The following TAFA1 variants were observed in gnomAD, a reference collection of about 807,000 sequenced individuals.
TAFA1 encodes the protein TAFA chemokine like family member 1.
TAFA1 carries 4 observed loss-of-function variants against 18.5 expected under a neutral mutation model. The observed-to-expected ratio is 0.22, with a 90% CI of 0.11 to 0.49. The LOEUF is 0.49. Among genes scored for constraint, TAFA1 ranks in the 20% least tolerant of loss-of-function variants. TAFA1 has a pLI of 0.98. For synonymous variants in TAFA1, 56 were observed against 55.2 expected (o/e 1.01, Z -0.06); for missense variants, 147 against 169.0 (o/e 0.87, Z 0.72).
intron 2 of TAFA1, among the ~76,000 whole-genome samples, chr3:68,057,641 A>G (rs2064552390): frequency 6.6e-6 from 1 of 152,232 alleles, no homozygotes; most frequent in Admixed American, 6.5e-5. Context: ...TTACACAGCA[A>G]AAGGGACTTT....
chr3:68,037,179 T>C (rs1193091655), intron 2 of TAFA1, among the ~76,000 whole-genome samples: 1 of 151,976 alleles, frequency 6.6e-6, no homozygotes, highest in African/African-American at 2.4e-5. Flanking sequence ...AGAAGGGTGT[T>C]CCAGACAGAA....
intron 2 of TAFA1, among the ~76,000 whole-genome samples, chr3:68,294,888 G>A (rs1033396940): frequency 1.1e-4 from 17 of 152,184 alleles, no homozygotes; most frequent in South Asian, 4.2e-4. Context: ...ATTAAAAAAA[G>A]AAAAAATTTA....
chr3:68,328,244 A>G (rs929914547), intron 2 of TAFA1, among the ~76,000 whole-genome samples: 6 of 152,178 alleles, frequency 3.9e-5, no homozygotes, highest in African/African-American at 7.2e-5. Context: ...TGCTCTCACA[A>G]ATACATTCCC....
intron 2 of TAFA1, among the ~76,000 whole-genome samples, chr3:68,305,741 G>A (rs116140911): frequency 1.0e-3 from 157 of 151,914 alleles, no homozygotes; most frequent in African/African-American, 3.7e-3. Context: ...TATGTAATAG[G>A]AATATTGAGA....
At chr3:68,489,403 T>G (rs2072409736) in intron 3 of TAFA1, among the ~76,000 whole-genome samples, 1 of 152,186 alleles carries the variant, frequency 6.6e-6, no homozygotes. Flanking sequence ...ATTAAATGTT[T>G]AAAGCTAATT....
chr3:68,355,350 T>C (rs1451900208), intron 2 of TAFA1, among the ~76,000 whole-genome samples: 1 of 151,974 alleles, frequency 6.6e-6, no homozygotes, highest in African/African-American at 2.4e-5. Context: ...AAATGGTAGC[T>C]TCCCCACTTC....
intron 2 of TAFA1, among the ~76,000 whole-genome samples, chr3:68,228,131 A>G (rs757681925): frequency 1.1e-4 from 16 of 152,220 alleles, no homozygotes; most frequent in Non-Finnish European, 2.2e-4. Context: ...GTACTTACTC[A>G]TTGAGTTATC....
At chr3:68,187,507 A>C (rs1438591939) in intron 2 of TAFA1, among the ~76,000 whole-genome samples, 2 of 152,014 alleles carry the variant, frequency 1.3e-5, no homozygotes, top group Non-Finnish European at 2.9e-5. Context: ...TGTGAAATTG[A>C]TTATCTTGGG....
intron 2 of TAFA1, among the ~76,000 whole-genome samples, chr3:68,198,155 C>T (rs2066433655): frequency 6.6e-6 from 1 of 151,646 alleles, no homozygotes. Context: ...TGACTTCTTT[C>T]ACTTAATAAT....
intron 2 of TAFA1, among the ~76,000 whole-genome samples, chr3:68,412,531 C>G (rs2070737099): frequency 2.6e-5 from 4 of 152,074 alleles, no homozygotes; most frequent in Non-Finnish European, 5.9e-5. Context: ...CCCCTCAACC[C>G]CCACTCCACA....
At chr3:68,200,348 A>C (rs2066456818) in intron 2 of TAFA1, among the ~76,000 whole-genome samples, 1 of 151,650 alleles carries the variant, frequency 6.6e-6, no homozygotes, top group Non-Finnish European at 1.5e-5. Context: ...TGGACTTATT[A>C]AATGAGTTAA....
chr3:68,509,950 A>G (rs1216807726), intron 3 of TAFA1, among the ~76,000 whole-genome samples: 1 of 152,092 alleles, frequency 6.6e-6, no homozygotes, highest in Non-Finnish European at 1.5e-5. Context: ...CTCTTGACTC[A>G]AGCTAAGAAA....
intron 3 of TAFA1, among the ~76,000 whole-genome samples, chr3:68,503,889 A>T (rs2072703756): frequency 6.6e-6 from 1 of 152,142 alleles, no homozygotes. Context: ...AAGTAAAAAG[A>T]TGATGATAAT....
intron 2 of TAFA1, among the ~76,000 whole-genome samples, chr3:68,238,065 A>G (rs567738468): frequency 2.0e-5 from 3 of 152,146 alleles, no homozygotes; most frequent in East Asian, 1.9e-4. Context: ...CTGAAACCTA[A>G]CGTTCACTGG....
chr3:67,991,669 G>A, the TAFA1 span, among the ~76,000 whole-genome samples: 1 of 152,164 alleles, frequency 6.6e-6, no homozygotes, highest in East Asian at 1.9e-4. Context: ...TAGGCCTTTG[G>A]CCTTGTACTG....
intron 2 of TAFA1, among the ~76,000 whole-genome samples, chr3:68,189,538 G>A (rs1284218725): frequency 6.6e-5 from 10 of 151,764 alleles, no homozygotes; most frequent in African/African-American, 2.4e-4. Flanking sequence ...GCCTCATTGA[G>A]ACCTTCCCAC....
In TAFA1 at chr3:68,537,142, G is replaced by A. The variant is rs536012621; in HGVS notation, c.260-1614G>A. 2.0e-5 allele frequency among the ~76,000 whole-genome samples: 3 copies of A among 152,228 alleles called. No individual in the cohort carries two copies. The East Asian group carries it at 5.8e-4, about 29-fold the overall frequency. On this transcript the variant is annotated intron_variant, in intron 3 of 4. Transcript: ENST00000478136. ...CCTTCATTGAATAGAAATAGTGCAA[G>A]ATCTGTGCTCTACAAAAGCTAAGAG...
intron 2 of TAFA1, among the ~76,000 whole-genome samples, chr3:68,372,712 C>A (rs1034276143): frequency 1.1e-4 from 16 of 151,908 alleles, no homozygotes; most frequent in African/African-American, 3.9e-4. Flanking sequence ...CTGCAAAAAC[C>A]CACATGCAAG....
chr3:68,055,053 ATC>A (rs375403884), intron 2 of TAFA1, among the ~76,000 whole-genome samples: 319 of 152,212 alleles, frequency 2.1e-3, no homozygotes, highest in African/African-American at 7.4e-3. Flanking sequence ...TGGTGGAGGC[ATC>A]TTATTTGGAT....
Sources: gnomAD v4.1 joint callset for allele counts (sites outside exome capture counted in the v4.1 genomes callset) on GRCh38, gnomAD v4.1.1 for gene constraint, MANE v1.5 for transcripts, NCBI Gene and HGNC (gene_info 2026-07-23, HGNC 2026-07-21) for gene names.